The following FAM117A variants were observed in gnomAD, a reference collection of about 807,000 sequenced individuals.
FAM117A encodes the protein family with sequence similarity 117 member A, also known as protein FAM117A.
In FAM117A, 21 loss-of-function variants were observed where a neutral mutation model predicts 44.1. The ratio of observed to expected loss-of-function variants is 0.48; its 90% CI spans 0.34 to 0.69. FAM117A has a LOEUF of 0.69. Among genes scored for constraint, FAM117A ranks in the 30% least tolerant of loss-of-function variants. The pLI is 0.01. For synonymous variants in FAM117A, 220 were observed against 238.3 expected, an observed-to-expected ratio of 0.92 and a Z score of 0.71; for missense variants, 498 against 589.9, an observed-to-expected ratio of 0.84 and a Z score of 1.61.
intron 1 of FAM117A, among the ~76,000 whole-genome samples, chr17:49,784,922 T>C (rs961691999): frequency 6.6e-6 from 1 of 152,212 alleles, no homozygotes; most frequent in Non-Finnish European, 1.5e-5. Context: ...AATCACTCTG[T>C]ATGTCTTCAG....
intron 2 of FAM117A, among the ~76,000 whole-genome samples, chr17:49,730,925 A>C (rs2073581984): frequency 1.3e-5 from 2 of 152,180 alleles, no homozygotes; most frequent in South Asian, 4.1e-4. Context: ...AAACTTTGCC[A>C]GATATTTGGC....
chr17:49,762,239 T>G (rs577639447), intron 1 of FAM117A, among the ~76,000 whole-genome samples: 6 of 152,212 alleles, frequency 3.9e-5, no homozygotes, highest in Non-Finnish European at 8.8e-5. Flanking sequence ...TTCTGTTGTT[T>G]TCCACTAAAA....
chr17:49,764,496 C>T (rs1221890235), upstream of FAM117A, among the ~76,000 whole-genome samples: 1 of 152,050 alleles, frequency 6.6e-6, no homozygotes, highest in Non-Finnish European at 1.5e-5. Flanking sequence ...AGAGTGGGCG[C>T]GGCGCTGGGT....
chr17:49,785,606 C>T (rs1432794791), intron 1 of FAM117A, among the ~76,000 whole-genome samples: 4 of 152,122 alleles, frequency 2.6e-5, no homozygotes, highest in Non-Finnish European at 5.9e-5. Context: ...GACATCAAAG[C>T]CCTGTACTGG....
intron 1 of FAM117A, among the ~76,000 whole-genome samples, chr17:49,786,840 A>G (rs1286267060): frequency 6.6e-6 from 1 of 151,516 alleles, no homozygotes; most frequent in Non-Finnish European, 1.5e-5. Flanking sequence ...CCTTAATCCC[A>G]GCACTCTGGA....
chr17:49,722,625 C>A, intron 2 of FAM117A, 31 bp from the exon 3 acceptor site: 2 of 1,591,898 alleles, frequency 1.3e-6, no homozygotes, highest in Non-Finnish European at 1.7e-6. Flanking sequence ...TGAGACACAG[C>A]AGCTTCTTTG....
At chr17:49,760,119 T>C (rs1373594912) in intron 1 of FAM117A, among the ~76,000 whole-genome samples, 1 of 152,098 alleles carries the variant, frequency 6.6e-6, no homozygotes, top group Non-Finnish European at 1.5e-5. Flanking sequence ...CACCTGACAA[T>C]GGTGGGGGTG....
chr17:49,768,240 C>G (rs1567837894), upstream of FAM117A, among the ~76,000 whole-genome samples: 1 of 152,124 alleles, frequency 6.6e-6, no homozygotes, highest in Admixed American at 6.5e-5. Context: ...ACCCTGCTGG[C>G]TACTGAATCA....
At chr17:49,766,467 T>G (rs758116605), upstream of FAM117A, among the ~76,000 whole-genome samples, 70 of 152,228 alleles carry the variant, frequency 4.6e-4, no homozygotes, top group Non-Finnish European at 2.5e-4. Context: ...CAAGATCATC[T>G]TAGTAAATGG....
At chr17:49,765,722 G>A (rs2143791208), upstream of FAM117A, 1 of 152,286 alleles carries the variant, frequency 6.6e-6, no homozygotes, top group Middle Eastern at 3.4e-3. Context: ...CAAAGACAGA[G>A]AAGAATAAAC....
chr17:49,771,209 AT>A (rs1361618338), intron 1 of FAM117A, among the ~76,000 whole-genome samples: 5 of 152,200 alleles, frequency 3.3e-5, no homozygotes, highest in Admixed American at 2.6e-4. Flanking sequence ...CTCTGTCTCA[AT>A]AAATAAATAA....
chr17:49,779,829 C>T (rs1173182869), intron 1 of FAM117A, among the ~76,000 whole-genome samples: 1 of 152,230 alleles, frequency 6.6e-6, no homozygotes, highest in African/African-American at 2.4e-5. Context: ...TTTCTAAAGC[C>T]AGTCCTTTCC....
At chr17:49,764,163 T>C (rs1046985949), upstream of FAM117A, 6 of 744,810 alleles carry the variant, frequency 8.1e-6, no homozygotes, top group African/African-American at 5.5e-5. Context: ...GCTGCTTATC[T>C]GCTGTACGGG....
chr17:49,712,101 G>A (rs969633302), intron 7 of FAM117A, among the ~76,000 whole-genome samples: 4 of 152,192 alleles, frequency 2.6e-5, no homozygotes, highest in South Asian at 2.1e-4. Context: ...AGCCAAGATC[G>A]TGCCATTGCA....
intron 2 of FAM117A, among the ~76,000 whole-genome samples, chr17:49,729,503 CTTTTT>C (rs3034927): frequency 5.4e-5 from 5 of 92,212 alleles, no homozygotes; most frequent in Admixed American, 1.1e-4. Flanking sequence ...TGGCATCAGT[CTTTTT>C]TTTTTTTTTT....
In FAM117A at chr17:49,716,165, G is replaced by A. The variant is rs1022213525; in HGVS notation, c.1061C>T (p.Thr354Met). ...CACCCTGTCCACTTGGTGTACTCAC[G>A]TGGCTTCTTCAAACACACGCACTTT... Reference protein sequence around the residue: ...CEKVRVFEEATSPGPDLAFLT... With the variant: ...CEKVRVFEEAMSPGPDLAFLT... Residue 354 changes from threonine to methionine, a missense_variant and splice_region_variant, in exon 7 of 8, where the codon ACG becomes ATG. Around this residue, in one of 3 missense-constraint regions of FAM117A, gnomAD observed 224 missense variants for 296.5 expected, o/e 0.76. Transcript: ENST00000240364. 5.5e-6 allele frequency: 8 copies of A among 1,454,038 alleles called. No individual in the cohort carries two copies. Among genetic ancestry groups the A allele is most frequent in the South Asian group, 2.3e-5 (2 of 88,722 alleles). The allele number at this position is 1,454,038 out of a possible 1,614,324, so 90.1% of individuals were successfully genotyped here.
At chr17:49,730,434 C>T (rs910894403) in intron 2 of FAM117A, among the ~76,000 whole-genome samples, 1 of 152,220 alleles carries the variant, frequency 6.6e-6, no homozygotes, top group African/African-American at 2.4e-5. Context: ...ACATCTGAGG[C>T]CAACCCTGCC....
At chr17:49,788,987 T>G, upstream of FAM117A, 1 of 738,076 alleles carries the variant, frequency 1.4e-6, no homozygotes, top group South Asian at 2.6e-5. Context: ...CTCTCTTCTG[T>G]CCATACCCAA....
chr17:49,769,895 G>A (rs986853963), intron 1 of FAM117A, among the ~76,000 whole-genome samples: 5 of 152,050 alleles, frequency 3.3e-5, no homozygotes, highest in Admixed American at 3.3e-4. Flanking sequence ...ACTTGTCAGA[G>A]GCCATTCAGC....
Sources: allele counts gnomAD v4.1 joint callset (sites outside exome capture counted in the v4.1 genomes callset), GRCh38; gene constraint gnomAD v4.1.1; regional missense constraint gnomAD v4.1.1; transcripts MANE v1.5; gene names NCBI Gene and HGNC (gene_info 2026-07-23, HGNC 2026-07-21).